LHFPL4: variants seen among roughly 807,000 people sequenced by gnomAD.
LHFPL4 encodes LHFPL tetraspan subfamily member 4 protein.
LHFPL4 carries 6 observed loss-of-function variants against 20.0 expected under a neutral mutation model. The ratio of observed to expected loss-of-function variants is 0.30; its 90% confidence interval spans 0.16 to 0.59. The LOEUF (loss-of-function observed/expected upper bound fraction) is 0.59. LHFPL4 is among the 20% of genes least tolerant of loss of function. The pLI is 0.88. For synonymous variants in LHFPL4, 129 were observed against 143.8 expected, an observed-to-expected ratio of 0.90 and a Z score of 0.74; for missense variants, 215 against 331.2, an observed-to-expected ratio of 0.65 and a Z score of 2.72.
At chr3:9,517,699 A>T (rs2046312262) in intron 2 of LHFPL4, among the ~76,000 whole-genome samples, 1 of 151,498 alleles carries the variant, frequency 6.6e-6, no homozygotes, top group African/African-American at 2.4e-5. Flanking sequence ...AAAAAAAAAA[A>T]AAAAAAATCC....
At chr3:9,517,800 TGTTTTTTG>T (rs1559517239) in intron 2 of LHFPL4, among the ~76,000 whole-genome samples, 1 of 135,144 alleles carries the variant, frequency 7.4e-6, no homozygotes, top group Admixed American at 7.6e-5. Flanking sequence ...TGGGTTTTTT[TGTTTTTTG>T]TTTTTTTTTT....
intron 2 of LHFPL4, among the ~76,000 whole-genome samples, chr3:9,514,535 A>G (rs1292938106): frequency 6.6e-6 from 1 of 152,242 alleles, no homozygotes; most frequent in Non-Finnish European, 1.5e-5. Flanking sequence ...GCTCACATTA[A>G]GGATTACTCC....
rs2125653682 is a variant in LHFPL4, at chr3:9,501,065, A to T, written c.*1146T>A. 1 of 154,108 alleles carries T rather than the reference A, an allele frequency of 6.5e-6. No homozygotes were observed. The highest frequency in any genetic ancestry group is 2.1e-4 in the South Asian group (1 of 4,860). 9.5% of individuals were successfully genotyped at this position (154,108 alleles called of 1,614,324 possible). ...AGGTGCAGACCCTGGGCATATCGCA[A>T]GGCGAGAGGTGGGCCAGGAGGAGGA... On this transcript the variant is annotated 3_prime_UTR_variant, in exon 4 of 4. Coordinates refer to ENST00000287585, the MANE Select transcript of LHFPL4 (RefSeq NM_198560.3).
rs1305450750 is a variant in LHFPL4 at position 9,552,601 on chromosome 3, C to T, written c.79G>A (p.Ala27Thr). Residue 27 changes from alanine (A) to threonine (T), a missense_variant, in exon 2 of 4, where the codon GCC becomes ACC. Ala to Thr is a moderately conservative substitution (Grantham distance 58). Coordinates refer to ENST00000287585, the MANE Select transcript of LHFPL4 (RefSeq NM_198560.3). The stretch of plus-strand genomic sequence containing the variant: ...ATGGCGAAGCAGATGGTGAAGATGG[C>T]CCACAGCACGCCGATGGCCCGCGAG... Reference protein sequence around the residue: ...RNSRAIGVLWAIFTICFAIIN... With the variant: ...RNSRAIGVLWTIFTICFAIIN... 1 of 1,613,910 alleles carries T rather than the reference C, an allele frequency of 6.2e-7. No individual in the cohort carries two copies. The highest frequency in any genetic ancestry group is 1.7e-5 in the Admixed American group (1 of 60,018).
rs1489958069 is a variant in LHFPL4 at position 9,504,239 on chromosome 3, CA to C, written c.643+1727del. Among the ~76,000 whole-genome samples, 207 of 151,816 alleles carry C rather than the reference CA, an allele frequency of 1.4e-3. 5 individuals carry two copies. The highest frequency in any genetic ancestry group is 8.3e-4 in the South Asian group (4 of 4,814). Reference sequence around the variant, plus strand: ...TACAACAGTTAGCTGGGTGTGGTGGCAACATGCCTGTAATCCCAGGTACTCA... The same window carrying C: ...TACAACAGTTAGCTGGGTGTGGTGGCACATGCCTGTAATCCCAGGTACTCA... On this transcript the variant is annotated intron_variant, in intron 3 of 3. Transcript: ENST00000287585.
Position 9,547,787 on chromosome 3 carries a change from C to CTTTGTTTTGTTTTGTTTTGT in LHFPL4, c.406+4467_406+4486dup, listed in dbSNP as rs368545231. On this transcript the variant is annotated intron_variant, in intron 2 of 3. Transcript: ENST00000287585. ...AACCAAGATCTCGGAGATTTTTGTTCTTTGTTTTGTTTTGTTTTGTTTTGT... is the reference window on the plus strand; with the variant it reads ...AACCAAGATCTCGGAGATTTTTGTTCTTTGTTTTGTTTTGTTTTGTTTTGTTTTGTTTTGTTTTGTTTTGT... Among the ~76,000 whole-genome samples, 304 of 146,722 alleles carry CTTTGTTTTGTTTTGTTTTGT rather than the reference C, an allele frequency of 2.1e-3. 1 individual carries two copies. Among genetic ancestry groups the CTTTGTTTTGTTTTGTTTTGT allele is most frequent in the Non-Finnish European group, 3.2e-3 (214 of 67,594 alleles).
intron 2 of LHFPL4, among the ~76,000 whole-genome samples, chr3:9,551,375 ACT>A (rs954076967): frequency 4.6e-5 from 7 of 151,052 alleles, no homozygotes; most frequent in African/African-American, 7.3e-5. Flanking sequence ...CCCCAGTCCA[ACT>A]CTCTTCCCTG....
At chr3:9,531,017 A>G (rs1012932661) in intron 2 of LHFPL4, among the ~76,000 whole-genome samples, 2 of 152,210 alleles carry the variant, frequency 1.3e-5, no homozygotes, top group Non-Finnish European at 2.9e-5. Flanking sequence ...TGTCTCAGGG[A>G]ATAGGAAAGC....
chr3:9,517,565 G>A (rs2046311364), intron 2 of LHFPL4, among the ~76,000 whole-genome samples: 1 of 151,482 alleles, frequency 6.6e-6, no homozygotes, highest in South Asian at 2.1e-4. Context: ...TTAGCCAGGT[G>A]TGGTGGCATG....
chr3:9,544,681 TAGA>T (rs1376902936), intron 2 of LHFPL4, among the ~76,000 whole-genome samples: 1 of 152,086 alleles, frequency 6.6e-6, no homozygotes, highest in Non-Finnish European at 1.5e-5. Flanking sequence ...TACCATGACT[TAGA>T]AGGTCTCTAC....
rs539960747 is a variant in LHFPL4 at position 9,528,681 on chromosome 3, T to A, written c.407-22478A>T. 2.0e-5 allele frequency among the ~76,000 whole-genome samples: 3 copies of A among 152,330 alleles called. No individual in the cohort carries two copies. The South Asian group carries it at 6.2e-4, about 32-fold the overall frequency. On this transcript the variant is annotated intron_variant, in intron 2 of 3. Coordinates refer to ENST00000287585, the MANE Select transcript of LHFPL4 (RefSeq NM_198560.3). Reference sequence around the variant, plus strand: ...CCCAGGCTGTAATGCAGTGGCGCAATCTCAGCTCACTGCAACCTCTGTCTC... The same window carrying A: ...CCCAGGCTGTAATGCAGTGGCGCAAACTCAGCTCACTGCAACCTCTGTCTC...
In LHFPL4 at chr3:9,502,231, C is replaced by T. The variant is rs2046181867; in HGVS notation, c.724G>A (p.Ala242Thr). The T allele has an allele frequency of 3.1e-6, 5 of 1,613,704 alleles. No individual in the cohort carries two copies. Among genetic ancestry groups the T allele is most frequent in the South Asian group, 1.1e-5 (1 of 91,072 alleles). The change falls in exon 4 of 4, where the codon GCT becomes ACT. Residue 242 changes from alanine to threonine, a missense_variant. Around this residue, in one of 2 missense-constraint regions of LHFPL4, gnomAD observed 51 missense variants for 44.5 expected, o/e 1.15. Transcript: ENST00000287585. ...SGWGVLPCPV[A>T]HSQGP ...GCCTTTCAGGGTCCCTGTGAGTGAG[C>T]CACGGGGCAGGGAAGGACTCCCCAT... is the stretch of plus-strand genomic sequence containing the variant.
intron 2 of LHFPL4, among the ~76,000 whole-genome samples, chr3:9,525,533 T>G (rs1348726379): frequency 6.6e-6 from 1 of 152,248 alleles, no homozygotes; most frequent in Non-Finnish European, 1.5e-5. Context: ...GGCTTTTTAC[T>G]TGCTGTTAGG....
chr3:9,524,367 C>T (rs2046360407), intron 2 of LHFPL4, among the ~76,000 whole-genome samples: 1 of 151,988 alleles, frequency 6.6e-6, no homozygotes, highest in South Asian at 2.1e-4. Flanking sequence ...TTCTGTTATT[C>T]TAAATATGTA....
At chr3:9,516,461 T>G (rs2046302559) in intron 2 of LHFPL4, among the ~76,000 whole-genome samples, 1 of 151,994 alleles carries the variant, frequency 6.6e-6, no homozygotes, top group African/African-American at 2.4e-5. Context: ...CTTTCACCAG[T>G]ACCACACTGT....
chr3:9,522,559 A>C (rs2046345078), intron 2 of LHFPL4, among the ~76,000 whole-genome samples: 1 of 150,340 alleles, frequency 6.7e-6, no homozygotes, highest in Non-Finnish European at 1.5e-5. Flanking sequence ...GGCCAACATG[A>C]TGAAGCCTTG....
intron 2 of LHFPL4, among the ~76,000 whole-genome samples, chr3:9,538,155 C>T (rs188430249): frequency 4.6e-5 from 7 of 152,276 alleles, no homozygotes; most frequent in Admixed American, 3.3e-4. Flanking sequence ...ATCCGCCATC[C>T]TTGGCATCTC....
At chr3:9,552,097 G>T (rs62245570) in intron 2 of LHFPL4, among the ~76,000 whole-genome samples, 177 bp downstream of exon 2, 18,023 of 151,906 alleles carry the variant, frequency 0.12, 1,264 homozygotes, top group Non-Finnish European at 0.16. Flanking sequence ...CTGCCCTAAG[G>T]TGTCTCTCTG....
intron 2 of LHFPL4, among the ~76,000 whole-genome samples, chr3:9,511,564 T>C (rs2046261544): frequency 6.6e-6 from 1 of 152,164 alleles, no homozygotes; most frequent in Admixed American, 6.5e-5. Flanking sequence ...AAAGTAAACT[T>C]AAATTACTTT....
Sources: allele counts gnomAD v4.1 joint callset (sites outside exome capture counted in the v4.1 genomes callset), GRCh38; gene constraint gnomAD v4.1.1; regional missense constraint gnomAD v4.1.1; transcripts MANE v1.5; gene names NCBI Gene and HGNC (gene_info 2026-07-23, HGNC 2026-07-21).